Variants in TMEM63C observed in about 807,000 individuals in gnomAD.
TMEM63C encodes the protein osmosensitive cation channel TMEM63C.
In TMEM63C, 32 loss-of-function variants were observed where a neutral mutation model predicts 99.2. That is an observed-to-expected ratio of 0.32 (90% CI 0.24 to 0.43). The LOEUF (loss-of-function observed/expected upper bound fraction) is 0.43. Ranked by LOEUF, TMEM63C falls within the 20% of genes least tolerant of loss-of-function variation. The pLI is 1.00. For synonymous variants in TMEM63C, 376 were observed against 397.9 expected, an observed-to-expected ratio of 0.94 and a Z score of 0.66; for missense variants, 826 against 1,053.0, an observed-to-expected ratio of 0.78 and a Z score of 2.98.
At chr14:77,187,166 G>A (rs1230600681) in intron 1 of TMEM63C, among the ~76,000 whole-genome samples, 2 of 148,116 alleles carry the variant, frequency 1.4e-5, no homozygotes, top group African/African-American at 5.1e-5. Context: ...CAAAGCAGCA[G>A]AACCCAAACT....
Position 77,239,678 on chromosome 14 carries a change from C to T in TMEM63C, c.882C>T (p.His294=). ...KKTGKVMIRI[H]PCARLCFCKC... ...CTGGGAAGGTGATGATCAGGATCCA[C>T]CCCTGTGCCCGCCTGTGCTTCTGCA... is the stretch of plus-strand genomic sequence containing the variant. The change falls in exon 12 of 24, where the codon CAC becomes CAT. Residue 294 remains histidine (H), a synonymous_variant. Transcript: ENST00000298351. The T allele has an allele frequency of 1.2e-6, 2 of 1,613,024 alleles. No individual in the cohort carries two copies. The highest frequency in any genetic ancestry group is 2.2e-5 in the South Asian group (2 of 90,828).
intron 1 of TMEM63C, among the ~76,000 whole-genome samples, chr14:77,200,247 T>G (rs1594851143): frequency 6.6e-6 from 1 of 152,318 alleles, no homozygotes; most frequent in South Asian, 2.1e-4. Flanking sequence ...CTGGAGTTTG[T>G]GCTCTAGTTG....
intron 1 of TMEM63C, among the ~76,000 whole-genome samples, chr14:77,206,980 A>G (rs1284307567): frequency 1.3e-5 from 2 of 152,080 alleles, no homozygotes; most frequent in African/African-American, 2.4e-5. Context: ...ACAGGCATGA[A>G]GTCACCTGTC....
At chr14:77,209,512 G>A (rs564530362) in intron 1 of TMEM63C, among the ~76,000 whole-genome samples, 1 of 152,274 alleles carries the variant, frequency 6.6e-6, no homozygotes, top group South Asian at 2.1e-4. Flanking sequence ...AGAAAGATAT[G>A]GTCCCTACTA....
intron 1 of TMEM63C, among the ~76,000 whole-genome samples, chr14:77,203,186 C>A (rs1339579310): frequency 6.6e-6 from 1 of 151,770 alleles, no homozygotes; most frequent in Non-Finnish European, 1.5e-5. Context: ...GAGACCAGCC[C>A]GGCCAACATA....
intron 18 of TMEM63C, among the ~76,000 whole-genome samples, chr14:77,247,713 G>A (rs1220528120): frequency 6.6e-6 from 1 of 152,080 alleles, no homozygotes; most frequent in Non-Finnish European, 1.5e-5. Flanking sequence ...TCAAAGATAT[G>A]TTGCAAATGA....
intron 23 of TMEM63C, 27 bp downstream of exon 23, chr14:77,253,403 TG>T (rs1889406088): frequency 4.4e-6 from 7 of 1,588,162 alleles, no homozygotes; most frequent in African/African-American, 1.3e-5. Context: ...AGGGACAGGT[TG>T]GGAGGGTGGT....
chr14:77,246,557 C>A, intron 17 of TMEM63C, 52 bp from the exon 18 acceptor site: 1 of 1,516,546 alleles, frequency 6.6e-7, no homozygotes, highest in African/African-American at 1.4e-5. Context: ...GAACCCTCAG[C>A]CTTAGCTCAT....
chr14:77,232,718 A>G (rs1453838447), intron 7 of TMEM63C, among the ~76,000 whole-genome samples: 1 of 152,248 alleles, frequency 6.6e-6, no homozygotes, highest in Admixed American at 6.5e-5. Flanking sequence ...TAGGTGCTCA[A>G]TGAATAGCAG....
intron 1 of TMEM63C, among the ~76,000 whole-genome samples, 184 bp downstream of exon 1, chr14:77,182,078 C>T (rs1363915390): frequency 6.6e-6 from 1 of 152,174 alleles, no homozygotes; most frequent in African/African-American, 2.4e-5. Flanking sequence ...GCCACGCTGG[C>T]TGTCTCTAGC....
rs1888462953 is a variant in TMEM63C at position 77,209,736 on chromosome 14, C to A, written c.-76-3710C>A. On this transcript the variant is annotated intron_variant, in intron 1 of 23. Coordinates refer to ENST00000298351, the MANE Select transcript of TMEM63C (RefSeq NM_020431.4). ...TGATGAGACCAAGGCTCACCCAAGT[C>A]CAGGAGGAAGTGGCTCAAGCTGTGT... 2.0e-5 allele frequency among the ~76,000 whole-genome samples: 3 copies of A among 152,188 alleles called. No homozygotes were observed. In the South Asian group the frequency reaches 6.2e-4, roughly 32 times the overall value.
At chr14:77,202,625 C>A (rs1359750940) in intron 1 of TMEM63C, among the ~76,000 whole-genome samples, 3 of 152,188 alleles carry the variant, frequency 2.0e-5, no homozygotes, top group Non-Finnish European at 4.4e-5. Context: ...TGGCCTTCAT[C>A]TAAGGACACC....
At chr14:77,247,804 C>T (rs12589562) in intron 18 of TMEM63C, among the ~76,000 whole-genome samples, 2 of 152,154 alleles carry the variant, frequency 1.3e-5, no homozygotes, top group East Asian at 3.9e-4. Flanking sequence ...GGGGTTTCAC[C>T]ATGTTGGCTG....
At chr14:77,221,372 A>T (rs1594858625) in intron 5 of TMEM63C, among the ~76,000 whole-genome samples, 1 of 43,380 alleles carries the variant, frequency 2.3e-5, no homozygotes, top group Non-Finnish European at 3.7e-5. Context: ...CCTCCCACTC[A>T]TGCCTCACCT....
intron 5 of TMEM63C, among the ~76,000 whole-genome samples, chr14:77,220,921 T>C (rs1166948913): frequency 0.29 from 948 of 3,312 alleles, 213 homozygotes; most frequent in South Asian, 0.46. Context: ...CACTCACGCC[T>C]CCTCTCCCAC....
At chr14:77,202,318 A>T (rs964572979) in intron 1 of TMEM63C, among the ~76,000 whole-genome samples, 3 of 151,946 alleles carry the variant, frequency 2.0e-5, no homozygotes. Flanking sequence ...ACACAAACAC[A>T]TTGACAGACA....
intron 6 of TMEM63C, among the ~76,000 whole-genome samples, chr14:77,226,431 G>A (rs573733518): frequency 6.6e-6 from 1 of 152,248 alleles, no homozygotes; most frequent in African/African-American, 2.4e-5. Context: ...AACCCATGCG[G>A]TCTGGTTGGA....
At chr14:77,190,467 C>T (rs186235886) in intron 1 of TMEM63C, among the ~76,000 whole-genome samples, 67 of 151,962 alleles carry the variant, frequency 4.4e-4, no homozygotes, top group African/African-American at 1.6e-3. Flanking sequence ...AAAGATAGCA[C>T]AAAAAGAGAA....
At chr14:77,251,203 T>C (rs1376667202) in intron 21 of TMEM63C, among the ~76,000 whole-genome samples, 1 of 152,230 alleles carries the variant, frequency 6.6e-6, no homozygotes, top group Non-Finnish European at 1.5e-5. Context: ...ATATTGAGGT[T>C]TGCCACTTTT....
Sources: gnomAD v4.1 joint callset for allele counts (sites outside exome capture counted in the v4.1 genomes callset) on GRCh38, gnomAD v4.1.1 for gene constraint, MANE v1.5 for transcripts, NCBI Gene and HGNC (gene_info 2026-07-23, HGNC 2026-07-21) for gene names.